POT1: variants seen among roughly 807,000 people sequenced by gnomAD.
POT1 encodes the protein protection of telomeres 1, also known as protection of telomeres protein 1.
A neutral mutation model predicts 78.5 loss-of-function variants in POT1; 47 were observed. That is an observed-to-expected ratio of 0.60 (90% CI 0.47 to 0.76). The LOEUF is 0.76. POT1 is among the 30% of genes least tolerant of loss of function. POT1 has a pLI of 0.00. For synonymous variants in POT1, 259 were observed against 260.7 expected (o/e 0.99, Z 0.06); for missense variants, 646 against 749.9 (o/e 0.86, Z 1.62).
intron 2 of POT1, among the ~76,000 whole-genome samples, chr7:124,922,222 A>T (rs914578410): frequency 1.3e-5 from 2 of 152,096 alleles, no homozygotes; most frequent in African/African-American, 4.8e-5. Flanking sequence ...AGTTATCCCC[A>T]GCTGAAATAT....
chr7:124,872,785 A>C (rs1795902260), intron 6 of POT1, among the ~76,000 whole-genome samples: 1 of 152,196 alleles, frequency 6.6e-6, no homozygotes. Flanking sequence ...TTTTTGGAAG[A>C]ACATTTATAT....
rs565805975 is a variant in POT1, at chr7:124,857,183, T to A, written c.702+1774A>T. ...TATAAAGGGAAATTGGGCATTGAAA[T>A]TCAGATCTTCACTCTTACTGTTTTC... On this transcript the variant is annotated intron_variant, in intron 9 of 18. Transcript: ENST00000357628. Among the ~76,000 whole-genome samples, 11 of 152,294 alleles carry A rather than the reference T, an allele frequency of 7.2e-5. No homozygotes were observed. The East Asian group carries it at 1.9e-3, about 27-fold the overall frequency.
intron 2 of POT1, among the ~76,000 whole-genome samples, chr7:124,920,018 A>C (rs1486657342): frequency 6.6e-6 from 1 of 152,110 alleles, no homozygotes; most frequent in Non-Finnish European, 1.5e-5. Flanking sequence ...TTAACAGCTG[A>C]ATCTAGAGAA....
intron 6 of POT1, among the ~76,000 whole-genome samples, chr7:124,874,266 G>A (rs1795936344): frequency 6.6e-6 from 1 of 152,010 alleles, no homozygotes; most frequent in Admixed American, 6.6e-5. Flanking sequence ...CCCACCCTAG[G>A]CTGAAAATTT....
At position 124,849,462 on chromosome 7, in the gene POT1, A is replaced by G. The variant is rs527664673; in HGVS notation, c.949+2410T>C. On this transcript the variant is annotated intron_variant, in intron 11 of 18. Transcript: ENST00000357628. ...AACACCTTTCACCTGCTTAACTGTC[A>G]AAAATTACATATAGTGTTAACTTCC... Among the ~76,000 whole-genome samples, 8 of 152,316 alleles carry G rather than the reference A, an allele frequency of 5.3e-5. 1 individual carries two copies. In the South Asian group the frequency reaches 1.7e-3, roughly 32 times the overall value.
intron 8 of POT1, among the ~76,000 whole-genome samples, chr7:124,862,950 G>A (rs6961371): frequency 0.013 from 1,921 of 152,174 alleles, 37 homozygotes; most frequent in African/African-American, 0.042. Context: ...AAAGACATAA[G>A]AAGAGAACCC....
At chr7:124,927,876 T>C (rs994394797) in intron 2 of POT1, among the ~76,000 whole-genome samples, 1 of 152,310 alleles carries the variant, frequency 6.6e-6, no homozygotes, top group Non-Finnish European at 1.5e-5. Context: ...TCTAGTCTAA[T>C]TGTTCTCTAA....
chr7:124,863,144 ATATT>A (rs1437283326), intron 8 of POT1, among the ~76,000 whole-genome samples: 3 of 152,004 alleles, frequency 2.0e-5, no homozygotes, highest in Non-Finnish European at 2.9e-5. Flanking sequence ...TAATAACACT[ATATT>A]TCTCTGGAAG....
intron 8 of POT1, among the ~76,000 whole-genome samples, chr7:124,862,719 C>T (rs1795627009): frequency 6.6e-6 from 1 of 152,080 alleles, no homozygotes; most frequent in Non-Finnish European, 1.5e-5. Context: ...TAGGAGCAGG[C>T]CTGAAGAGGC....
chr7:124,874,733 C>CAAA (rs1208217687), intron 6 of POT1, among the ~76,000 whole-genome samples: 1 of 90,502 alleles, frequency 1.1e-5, no homozygotes. Flanking sequence ...AGATCTGCCT[C>CAAA]AAAAAAAAAA....
chr7:124,852,574 CTATT>C (rs538182429), intron 10 of POT1, among the ~76,000 whole-genome samples: 6 of 152,234 alleles, frequency 3.9e-5, no homozygotes, highest in Non-Finnish European at 5.9e-5. Context: ...CATGTGTTAT[CTATT>C]TAATCAGTGG....
intron 5 of POT1, among the ~76,000 whole-genome samples, chr7:124,896,538 T>G: frequency 6.6e-6 from 1 of 151,682 alleles, no homozygotes; most frequent in South Asian, 2.1e-4. Flanking sequence ...CATTTGAAAC[T>G]AAAGGTTCAA....
intron 12 of POT1, among the ~76,000 whole-genome samples, chr7:124,844,023 C>G (rs571430807): frequency 7.9e-5 from 12 of 151,790 alleles, no homozygotes; most frequent in Non-Finnish European, 1.8e-4. Flanking sequence ...CAAATATATT[C>G]ATCATTTATT....
intron 8 of POT1, among the ~76,000 whole-genome samples, chr7:124,860,565 T>C (rs553651031): frequency 6.6e-6 from 1 of 152,188 alleles, no homozygotes; most frequent in Non-Finnish European, 1.5e-5. Flanking sequence ...AAAAAGACTT[T>C]TGAGGCTTAT....
At chr7:124,846,359 C>T (rs10264060) in intron 12 of POT1, among the ~76,000 whole-genome samples, 31 of 151,964 alleles carry the variant, frequency 2.0e-4, no homozygotes, top group Non-Finnish European at 4.4e-5. Context: ...TGTTATCTTC[C>T]TTCTCCAATT....
intron 7 of POT1, among the ~76,000 whole-genome samples, chr7:124,864,777 T>TA (rs2116546294): frequency 6.6e-6 from 1 of 152,332 alleles, no homozygotes; most frequent in East Asian, 1.9e-4. Flanking sequence ...GTATTTTTTC[T>TA]ACATATTTTA....
intron 11 of POT1, among the ~76,000 whole-genome samples, chr7:124,849,363 A>T (rs777265568): frequency 2.5e-4 from 38 of 152,310 alleles, no homozygotes; most frequent in Non-Finnish European, 3.7e-4. Context: ...TCTGAGGAAG[A>T]GGGAATTAAA....
intron 9 of POT1, among the ~76,000 whole-genome samples, chr7:124,856,099 T>C (rs1419904885): frequency 6.6e-6 from 1 of 152,192 alleles, no homozygotes; most frequent in Non-Finnish European, 1.5e-5. Flanking sequence ...TATAATTGCA[T>C]TATACTGTCC....
chr7:124,901,664 T>G (rs1796623247), intron 3 of POT1, among the ~76,000 whole-genome samples: 1 of 152,182 alleles, frequency 6.6e-6, no homozygotes, highest in African/African-American at 2.4e-5. Flanking sequence ...GGAACAAAGC[T>G]GGACAGAGAA....
Sources: allele counts gnomAD v4.1 joint callset (sites outside exome capture counted in the v4.1 genomes callset), GRCh38; gene constraint gnomAD v4.1.1; transcripts MANE v1.5; gene names NCBI Gene and HGNC (gene_info 2026-07-23, HGNC 2026-07-21).